Variants in DERA observed in about 807,000 individuals in gnomAD.
DERA encodes deoxyribose-phosphate aldolase, also known as 2-deoxy-D-ribose 5-phosphate aldolase.
Under a neutral mutation model 41.1 loss-of-function variants are expected in DERA, and 15 were observed. The observed-to-expected ratio is 0.37, with a 90% confidence interval of 0.24 to 0.56. The LOEUF (loss-of-function observed/expected upper bound fraction) is 0.56, where lower values mean the gene tolerates loss of function less well. Among genes scored for constraint, DERA ranks in the 20% least tolerant of loss-of-function variants. DERA has a pLI of 0.81. For synonymous variants in DERA, 139 were observed against 137.4 expected, an observed-to-expected ratio of 1.01 and a Z score of -0.08; for missense variants, 396 against 403.4, an observed-to-expected ratio of 0.98 and a Z score of 0.16.
intron 1 of DERA, among the ~76,000 whole-genome samples, chr12:15,948,617 G>T (rs1328707282): frequency 6.6e-6 from 1 of 152,046 alleles, no homozygotes. Flanking sequence ...TTTTTTGAAG[G>T]TTTTTATCTT....
Position 15,990,232 on chromosome 12 carries a change from T to C in DERA, c.637+7796T>C, listed in dbSNP as rs754130343. On this transcript the variant is annotated intron_variant, in intron 6 of 8. Transcript: ENST00000428559. The surrounding 1 kb of genome is among the most constrained non-coding windows in gnomAD (Gnocchi z 4.3). ...GTAGGGGAGACAAATGACATTGAGC[T>C]GGATTTCTTTCTGTACTGATTCCAA... is the stretch of plus-strand genomic sequence containing the variant. Among the ~76,000 whole-genome samples the C allele has an allele frequency of 1.7e-4, 26 of 152,184 alleles. No individual in the cohort carries two copies. Among genetic ancestry groups the C allele is most frequent in the Admixed American group, 7.2e-4 (11 of 15,286 alleles).
intron 1 of DERA, among the ~76,000 whole-genome samples, chr12:15,939,056 G>T (rs1319582585): frequency 6.6e-6 from 1 of 152,186 alleles, no homozygotes; most frequent in Non-Finnish European, 1.5e-5. Context: ...TTGCTCTACA[G>T]CTGCTTCAAC....
At chr12:15,968,996 A>G (rs960482601) in intron 5 of DERA, among the ~76,000 whole-genome samples, 17 of 152,216 alleles carry the variant, frequency 1.1e-4, no homozygotes, top group Non-Finnish European at 2.2e-4. Context: ...AGGGGCTAGG[A>G]CATAATGATT....
In DERA at chr12:15,966,590, A is replaced by T. The variant is rs368079831; in HGVS notation, c.508+3643A>T. On this transcript the variant is annotated intron_variant, in intron 5 of 8. Transcript: ENST00000428559. The surrounding 1 kb of genome is among the most constrained non-coding windows in gnomAD (Gnocchi z 5.1). ...CATACTCCCCAGTTGTTTATTCAGC[A>T]TTACCATGCAACATATGACACAGCA... Among the ~76,000 whole-genome samples the T allele has an allele frequency of 6.6e-6, 1 of 152,140 alleles. No individual in the cohort carries two copies. The highest frequency in any genetic ancestry group is 1.5e-5 in the Non-Finnish European group (1 of 68,020).
Position 16,035,169 on chromosome 12 carries a change from G to A in DERA, c.751-1063G>A, listed in dbSNP as rs1949119137. Among the ~76,000 whole-genome samples the A allele has an allele frequency of 6.6e-6, 1 of 152,108 alleles. No homozygotes were observed. The highest frequency in any genetic ancestry group is 2.4e-5 in the African/African-American group (1 of 41,440). ...GTGAGGGGGTAAGGAAGGTAAGGAGGTAGAATTGTCAGGACTTAAATATTG... is the reference window on the plus strand; with the variant it reads ...GTGAGGGGGTAAGGAAGGTAAGGAGATAGAATTGTCAGGACTTAAATATTG... On this transcript the variant is annotated intron_variant, in intron 7 of 8. Transcript: ENST00000428559. This position sits in a 1 kb window ranked among gnomAD's most constrained non-coding sequence, Gnocchi z 4.1.
intron 2 of DERA, 23 bp from the exon 3 acceptor site, chr12:15,958,165 G>C (rs759598217): frequency 1.3e-6 from 2 of 1,518,850 alleles, no homozygotes; most frequent in South Asian, 1.3e-5. Flanking sequence ...AATTTACTTT[G>C]TTTTCACTTT....
rs554371730 is a variant in DERA at position 15,954,603 on chromosome 12, A to G, written c.32-2333A>G. Among the ~76,000 whole-genome samples, 1 of 152,308 alleles carries G rather than the reference A, an allele frequency of 6.6e-6. No individual in the cohort carries two copies. Among genetic ancestry groups the G allele is most frequent in the South Asian group, 2.1e-4 (1 of 4,824 alleles). ...TGGCATAATGTGTCAGGGAACTGCCAGTAGTTTAGGAAGGCTGCACCACAG... is the reference window on the plus strand; with the variant it reads ...TGGCATAATGTGTCAGGGAACTGCCGGTAGTTTAGGAAGGCTGCACCACAG... On this transcript the variant is annotated intron_variant, in intron 1 of 8. Coordinates refer to ENST00000428559, the MANE Select transcript of DERA (RefSeq NM_015954.4). This position sits in a 1 kb window ranked among gnomAD's most constrained non-coding sequence, Gnocchi z 4.0.
intron 6 of DERA, among the ~76,000 whole-genome samples, chr12:16,030,384 G>T (rs1269269285): frequency 6.6e-6 from 1 of 152,112 alleles, no homozygotes; most frequent in Non-Finnish European, 1.5e-5. Context: ...TTCTTTGGGG[G>T]ATGTTTCCCT....
At chr12:16,027,691 C>T (rs1242345440) in intron 6 of DERA, among the ~76,000 whole-genome samples, 3 of 152,112 alleles carry the variant, frequency 2.0e-5, no homozygotes, top group African/African-American at 7.2e-5. Flanking sequence ...TTTCTGGCCT[C>T]CAGAATGGTG....
intron 5 of DERA, chr12:15,971,750 T>G (rs1948662165): frequency 6.2e-6 from 1 of 161,096 alleles, no homozygotes; most frequent in Admixed American, 6.5e-5. Flanking sequence ...ACTCCTGACC[T>G]CAGGTGACCC....
chr12:15,942,439 G>A (rs1357568129), intron 1 of DERA, among the ~76,000 whole-genome samples: 5 of 152,102 alleles, frequency 3.3e-5, no homozygotes, highest in African/African-American at 1.2e-4. Context: ...GTTTACTTAA[G>A]CTAACATCCA....
rs890814070 is a variant in DERA at position 15,996,157 on chromosome 12, A to G, written c.637+13721A>G. Among the ~76,000 whole-genome samples the G allele has an allele frequency of 1.7e-4, 25 of 145,140 alleles. No homozygotes were observed. Among genetic ancestry groups the G allele is most frequent in the African/African-American group, 4.3e-4 (17 of 39,594 alleles). On this transcript the variant is annotated intron_variant, in intron 6 of 8. Coordinates refer to ENST00000428559, the MANE Select transcript of DERA (RefSeq NM_015954.4). This position sits in a 1 kb window ranked among gnomAD's most constrained non-coding sequence, Gnocchi z 4.7. ...GCAGACACAGACACACACACAGAGC[A>G]TGTGTGTGTGTGTGTGTGTGTGTGT... is the stretch of plus-strand genomic sequence containing the variant.
intron 5 of DERA, among the ~76,000 whole-genome samples, chr12:15,969,003 G>A (rs1435087784): frequency 6.6e-6 from 1 of 152,152 alleles, no homozygotes; most frequent in Non-Finnish European, 1.5e-5. Context: ...AGGACATAAT[G>A]ATTTTTACAA....
intron 6 of DERA, among the ~76,000 whole-genome samples, chr12:16,030,669 ACT>A (rs1026756055): frequency 1.3e-5 from 2 of 151,542 alleles, no homozygotes; most frequent in Non-Finnish European, 2.9e-5. Context: ...CAACTCCATC[ACT>A]CTCTATCTCA....
Position 16,021,477 on chromosome 12 carries a change from A to G in DERA, c.638-11065A>G, listed in dbSNP as rs1184783066. Among the ~76,000 whole-genome samples the G allele has an allele frequency of 3.3e-5, 5 of 152,236 alleles. No individual in the cohort carries two copies. Among genetic ancestry groups the G allele is most frequent in the Admixed American group, 2.6e-4 (4 of 15,292 alleles). On this transcript the variant is annotated intron_variant, in intron 6 of 8. Transcript: ENST00000428559. The surrounding 1 kb of genome is among the most constrained non-coding windows in gnomAD (Gnocchi z 5.3). ...CTGGGTACCCAGGCAGGGATTCTCTACTAAGGCAGTGCTGAAGGGAAATGT... is the reference window on the plus strand; with the variant it reads ...CTGGGTACCCAGGCAGGGATTCTCTGCTAAGGCAGTGCTGAAGGGAAATGT...
rs1948194306 is a variant in DERA at position 15,915,737 on chromosome 12, C to T, written c.31+4323C>T. Among the ~76,000 whole-genome samples, 1 of 152,248 alleles carries T rather than the reference C, an allele frequency of 6.6e-6. No individual in the cohort carries two copies. On this transcript the variant is annotated intron_variant, in intron 1 of 8. Transcript: ENST00000428559. The surrounding 1 kb of genome is among the most constrained non-coding windows in gnomAD (Gnocchi z 4.8). Reference sequence around the variant, plus strand: ...TAGTGTCAACACAGAGCTCTAGCTACTTGTAAGGCACTATGCTGAATGCTT... The same window carrying T: ...TAGTGTCAACACAGAGCTCTAGCTATTTGTAAGGCACTATGCTGAATGCTT...
In DERA at chr12:16,017,741, A is replaced by G. The variant is rs1210800184; in HGVS notation, c.638-14801A>G. Among the ~76,000 whole-genome samples the G allele has an allele frequency of 3.3e-5, 5 of 152,244 alleles. No homozygotes were observed. Among genetic ancestry groups the G allele is most frequent in the Non-Finnish European group, 7.3e-5 (5 of 68,034 alleles). ...AAGTGTCCCATTGCAGATTGCAAGTATAAGTTAGTGTCGGAATTACCATAC... is the reference window on the plus strand; with the variant it reads ...AAGTGTCCCATTGCAGATTGCAAGTGTAAGTTAGTGTCGGAATTACCATAC... On this transcript the variant is annotated intron_variant, in intron 6 of 8. Coordinates refer to ENST00000428559, the MANE Select transcript of DERA (RefSeq NM_015954.4). This position sits in a 1 kb window ranked among gnomAD's most constrained non-coding sequence, Gnocchi z 5.5.
chr12:15,970,822 G>A lies in DERA; in HGVS notation c.508+7875G>A, dbSNP rs1021518064. 6.6e-6 allele frequency among the ~76,000 whole-genome samples: 1 copy of A among 152,192 alleles called. No homozygotes were observed. Among genetic ancestry groups the A allele is most frequent in the Non-Finnish European group, 1.5e-5 (1 of 68,040 alleles). ...ATATTTATCCTTTGGTTTAAATTCA[G>A]ATTCCATTCCACCAAAGCAACATGA... On this transcript the variant is annotated intron_variant, in intron 5 of 8. Coordinates refer to ENST00000428559, the MANE Select transcript of DERA (RefSeq NM_015954.4). This position sits in a 1 kb window ranked among gnomAD's most constrained non-coding sequence, Gnocchi z 4.3.
intron 1 of DERA, among the ~76,000 whole-genome samples, chr12:15,919,941 A>ATT: frequency 6.6e-6 from 1 of 151,814 alleles, no homozygotes; most frequent in South Asian, 2.1e-4. Flanking sequence ...CTGTCCGCCT[A>ATT]ATGGACTGCC....
Sources: gnomAD v4.1 joint callset for allele counts (sites outside exome capture counted in the v4.1 genomes callset) on GRCh38, gnomAD v4.1.1 for gene constraint, Gnocchi (gnomAD v3.1) non-coding constraint, MANE v1.5 for transcripts, NCBI Gene and HGNC (gene_info 2026-07-23, HGNC 2026-07-21) for gene names.